ADCY5: variants seen among roughly 807,000 people sequenced by gnomAD.
ADCY5 encodes the protein adenylate cyclase 5, also known as adenylate cyclase type 5.
Under a neutral mutation model 119.7 loss-of-function variants are expected in ADCY5, and 30 were observed. That is an observed-to-expected ratio of 0.25 (90% CI 0.19 to 0.34). ADCY5 has a LOEUF of 0.34. Among genes scored for constraint, ADCY5 ranks in the 10% least tolerant of loss-of-function variants. ADCY5 has a pLI of 1.00. For missense variants in ADCY5, 1,324 were observed against 1,775.2 expected, an observed-to-expected ratio of 0.75 and a Z score of 4.57; for synonymous variants, 753 against 762.2, an observed-to-expected ratio of 0.99 and a Z score of 0.20.
At chr3:123,410,541 G>A (rs1380002920) in intron 1 of ADCY5, among the ~76,000 whole-genome samples, 2 of 152,104 alleles carry the variant, frequency 1.3e-5, no homozygotes, top group Non-Finnish European at 2.9e-5. Context: ...CCAACATAAC[G>A]TCCACCTTAG....
chr3:123,349,287 T>C (rs1942722338), intron 2 of ADCY5, among the ~76,000 whole-genome samples: 1 of 152,160 alleles, frequency 6.6e-6, no homozygotes, highest in African/African-American at 2.4e-5. Flanking sequence ...CGTAAGTGGC[T>C]TTTGCTTTTC....
At chr3:123,328,837 C>A (rs1478596343) in intron 5 of ADCY5, 35 bp from the exon 6 acceptor site, 1 of 1,604,518 alleles carries the variant, frequency 6.2e-7, no homozygotes, top group East Asian at 2.2e-5. Flanking sequence ...TGGGAGAAGG[C>A]TGGAGGCCAG....
chr3:123,396,648 AAG>A lies in ADCY5; in HGVS notation c.1135-44069_1135-44068del, dbSNP rs1482755569. ...GGAGGGAGGGAGGGAAGGAGACAGA[AAG>A]AGAGAGAGAGGGAAAGACGGAAAAT... On this transcript the variant is annotated intron_variant, in intron 1 of 20. Transcript: ENST00000462833. 2.6e-3 allele frequency among the ~76,000 whole-genome samples: 387 copies of A among 146,356 alleles called. 5 individuals are homozygous for A. Among genetic ancestry groups the A allele is most frequent in the African/African-American group, 9.2e-3 (366 of 39,668 alleles).
At chr3:123,408,001 T>C (rs1270886360) in intron 1 of ADCY5, among the ~76,000 whole-genome samples, 2 of 151,872 alleles carry the variant, frequency 1.3e-5, no homozygotes, top group Non-Finnish European at 2.9e-5. Flanking sequence ...TTGAATTTCA[T>C]CTCAATTTTT....
intron 1 of ADCY5, among the ~76,000 whole-genome samples, chr3:123,411,895 GC>G (rs1486718580): frequency 3.3e-5 from 5 of 152,120 alleles, no homozygotes; most frequent in Non-Finnish European, 5.9e-5. Context: ...CCCATCCCCT[GC>G]CCCCGCATAG....
In ADCY5 at chr3:123,332,567, G is replaced by C; in HGVS notation, c.1515C>G (p.Ala505=). The part of the protein sequence containing the change: ...NELFARFDKL[A]AENHCLRIKI... The stretch of plus-strand genomic sequence containing the variant: ...CCCCCGGCTCAGGGTGACTCACTGC[G>C]GCCAGCTTGTCAAAGCGGGCGAAGA... Residue 505 remains alanine (A), a synonymous_variant, in exon 4 of 21, where the codon GCC becomes GCG. Coordinates refer to ENST00000462833, the MANE Select transcript of ADCY5 (RefSeq NM_183357.3). The C allele has an allele frequency of 1.2e-6, 2 of 1,610,910 alleles. No homozygotes were observed. Among genetic ancestry groups the C allele is most frequent in the South Asian group, 2.2e-5 (2 of 90,818 alleles).
At chr3:123,438,944 G>A (rs143143034) in intron 1 of ADCY5, among the ~76,000 whole-genome samples, 1 of 151,728 alleles carries the variant, frequency 6.6e-6, no homozygotes. Context: ...TAGAGACAGG[G>A]TCTCACTATT....
intron 1 of ADCY5, among the ~76,000 whole-genome samples, chr3:123,423,932 C>T (rs376933694): frequency 2.8e-4 from 43 of 152,344 alleles, no homozygotes; most frequent in African/African-American, 9.4e-4. Flanking sequence ...CACAGGCCAA[C>T]GCCCAGTGAG....
chr3:123,419,513 C>T (rs1945256499), intron 1 of ADCY5, among the ~76,000 whole-genome samples: 1 of 152,126 alleles, frequency 6.6e-6, no homozygotes, highest in South Asian at 2.1e-4. Context: ...CTCCTGCCTG[C>T]AGACCTCAGT....
rs9829332 is a variant in ADCY5, at chr3:123,330,860, G to T, written c.1646+29C>A. 516,138 of 1,591,628 alleles carry T rather than the reference G, an allele frequency of 0.32. 86,063 individuals are homozygous for T. The highest frequency in any genetic ancestry group is 0.35 in the Non-Finnish European group (407,577 of 1,168,490). ...CGGGCTGTGGACAGTCCCAGGGAGG[G>T]AGACGGTACCCGGGGGGTGGACACT... On this transcript the variant is annotated intron_variant, in intron 5 of 20. Transcript: ENST00000462833.
intron 7 of ADCY5, among the ~76,000 whole-genome samples, chr3:123,326,811 G>A (rs1450401862): frequency 6.6e-6 from 1 of 151,914 alleles, no homozygotes; most frequent in Non-Finnish European, 1.5e-5. Flanking sequence ...CTCTTGGCAC[G>A]GGCACCTGCC....
At chr3:123,414,826 G>A (rs1272990436) in intron 1 of ADCY5, among the ~76,000 whole-genome samples, 1 of 152,186 alleles carries the variant, frequency 6.6e-6, no homozygotes, top group African/African-American at 2.4e-5. Flanking sequence ...CAAAGTGCTT[G>A]GGATTACAGG....
At chr3:123,362,255 A>C (rs1576624154) in intron 1 of ADCY5, among the ~76,000 whole-genome samples, 1 of 152,192 alleles carries the variant, frequency 6.6e-6, no homozygotes, top group South Asian at 2.1e-4. Context: ...AATCACCTGC[A>C]CCACCTTACA....
Position 123,305,119 on chromosome 3 carries a change from C to G in ADCY5, c.2443-936G>C, listed in dbSNP as rs147137668. ...GAAGCCTGGGCTTGGCTTGGCTTTT[C>G]CTGTGTGTTCCTGAGCAAGCCGCAT... is the stretch of plus-strand genomic sequence containing the variant. On this transcript the variant is annotated intron_variant, in intron 12 of 20. Transcript: ENST00000462833. Among the ~76,000 whole-genome samples, 4 of 152,284 alleles carry G rather than the reference C, an allele frequency of 2.6e-5. No homozygotes were observed. In the East Asian group the frequency reaches 5.8e-4, roughly 22 times the overall value.
intron 1 of ADCY5, among the ~76,000 whole-genome samples, chr3:123,366,523 C>A (rs1943444620): frequency 6.6e-6 from 1 of 152,134 alleles, no homozygotes; most frequent in Non-Finnish European, 1.5e-5. Context: ...GGAGGTGAGG[C>A]CCAAGGGATA....
At chr3:123,340,201 A>G (rs1490403000) in intron 3 of ADCY5, among the ~76,000 whole-genome samples, 1 of 151,912 alleles carries the variant, frequency 6.6e-6, no homozygotes, top group Non-Finnish European at 1.5e-5. Context: ...GAGGTGGGAG[A>G]ACTGTTTGAG....
At chr3:123,384,747 C>G (rs1371289638) in intron 1 of ADCY5, among the ~76,000 whole-genome samples, 2 of 152,180 alleles carry the variant, frequency 1.3e-5, no homozygotes, top group East Asian at 3.9e-4. Flanking sequence ...AAGTGCAGCT[C>G]TGCAGACAGT....
intron 1 of ADCY5, chr3:123,416,470 G>A (rs1945188183): frequency 6.4e-6 from 5 of 786,488 alleles, no homozygotes; most frequent in South Asian, 2.0e-5. Context: ...AGGCTCTAAG[G>A]CACTGAAGGA....
At position 123,447,454 on chromosome 3, in the gene ADCY5, G is replaced by A; in HGVS notation, c.1092C>T (p.Ile364=). The A allele has an allele frequency of 1.2e-6, 2 of 1,608,168 alleles. No homozygotes were observed. The highest frequency in any genetic ancestry group is 1.7e-6 in the Non-Finnish European group (2 of 1,177,172). ...GVLLSALHLA[I]ALRTNAQDQF... ...GGTCCTGGGCGTTGGTGCGCAGGGC[G>A]ATGGCCAGGTGGAGGGCGGACAGGA... is the stretch of plus-strand genomic sequence containing the variant. Residue 364 remains isoleucine (I), a synonymous_variant, in exon 1 of 21, where the codon ATC becomes ATT. Transcript: ENST00000462833.
Sources: allele counts gnomAD v4.1 joint callset (sites outside exome capture counted in the v4.1 genomes callset), GRCh38; gene constraint gnomAD v4.1.1; transcripts MANE v1.5; gene names NCBI Gene and HGNC (gene_info 2026-07-23, HGNC 2026-07-21).